Variants in DCLK1 observed in about 807,000 individuals in gnomAD.
DCLK1 encodes doublecortin like kinase 1.
A neutral mutation model predicts 86.2 loss-of-function variants in DCLK1; 16 were observed. The ratio of observed to expected loss-of-function variants is 0.19; its 90% CI spans 0.13 to 0.28. The LOEUF (loss-of-function observed/expected upper bound fraction) is 0.28. DCLK1 is among the 10% of genes least tolerant of loss of function. The pLI is 1.00. For synonymous variants in DCLK1, 369 were observed against 370.5 expected, an observed-to-expected ratio of 1.00 and a Z score of 0.05; for missense variants, 590 against 940.2, an observed-to-expected ratio of 0.63 and a Z score of 4.87.
chr13:36,072,516 C>A (rs1566669653), intron 3 of DCLK1, among the ~76,000 whole-genome samples: 1 of 152,216 alleles, frequency 6.6e-6, no homozygotes, highest in Non-Finnish European at 1.5e-5. Flanking sequence ...TCAGGCCAGA[C>A]TTCTTTCCTG....
chr13:35,796,291 G>A (rs6563164), intron 15 of DCLK1, among the ~76,000 whole-genome samples: 22,844 of 152,128 alleles, frequency 0.15, 1,957 homozygotes, highest in African/African-American at 0.21. Flanking sequence ...TGTGGAGAAG[G>A]TTGAGGAAAG....
chr13:35,914,725 A>C (rs1875305376), intron 4 of DCLK1, among the ~76,000 whole-genome samples: 1 of 151,996 alleles, frequency 6.6e-6, no homozygotes, highest in Admixed American at 6.6e-5. Context: ...CAAAAAAAAA[A>C]AAAAAGAAAC....
chr13:35,804,869 A>T (rs1345430735), intron 15 of DCLK1, among the ~76,000 whole-genome samples: 1 of 152,254 alleles, frequency 6.6e-6, no homozygotes, highest in Non-Finnish European at 1.5e-5. Flanking sequence ...CTCAAAGAAC[A>T]GCCACAGAGG....
rs1884561366 is a variant in DCLK1 at position 36,085,544 on chromosome 13, G to A, written c.723+26325C>T. ...ATGACCATCAATAACTAGCTTTAAAGCTTCAACCATGAGGTTCCCATGACT... is the reference window on the plus strand; with the variant it reads ...ATGACCATCAATAACTAGCTTTAAAACTTCAACCATGAGGTTCCCATGACT... On this transcript the variant is annotated intron_variant, in intron 3 of 16. Transcript: ENST00000360631. 2.0e-5 allele frequency among the ~76,000 whole-genome samples: 3 copies of A among 152,174 alleles called. No homozygotes were observed. In the South Asian group the frequency reaches 6.2e-4, roughly 32 times the overall value.
In DCLK1 at chr13:35,777,076, T is replaced by A. The variant is rs140655988; in HGVS notation, c.2059-2377A>T. 2.4e-4 allele frequency among the ~76,000 whole-genome samples: 37 copies of A among 152,344 alleles called. 1 individual carries two copies. The East Asian group carries it at 6.7e-3, about 28-fold the overall frequency. Reference sequence around the variant, plus strand: ...CTGTCCCTGTTGAAGTAGTCAGTTCTGGCCACTCCTACAGATTTCCCTACT... The same window carrying A: ...CTGTCCCTGTTGAAGTAGTCAGTTCAGGCCACTCCTACAGATTTCCCTACT... On this transcript the variant is annotated intron_variant, in intron 16 of 16. Coordinates refer to ENST00000360631, the MANE Select transcript of DCLK1 (RefSeq NM_001330071.2).
chr13:35,836,650 C>G (rs1407440691), intron 7 of DCLK1, among the ~76,000 whole-genome samples: 2 of 152,212 alleles, frequency 1.3e-5, no homozygotes, highest in African/African-American at 2.4e-5. Flanking sequence ...GAACTAAGCA[C>G]TGATGGCCAC....
intron 4 of DCLK1, among the ~76,000 whole-genome samples, chr13:35,878,797 T>A (rs1370494146): frequency 1.3e-5 from 2 of 152,082 alleles, no homozygotes; most frequent in African/African-American, 4.8e-5. Context: ...AATTACATTT[T>A]TTTTTTTTGA....
rs74046512 is a variant in DCLK1 at position 35,831,454 on chromosome 13, G to A, written c.1230-3147C>T. On this transcript the variant is annotated intron_variant, in intron 8 of 16. Coordinates refer to ENST00000360631, the MANE Select transcript of DCLK1 (RefSeq NM_001330071.2). ...AAGTGAAAACACTTGGCAAGAAATC[G>A]AATCTTATATAATGAATTCGCCTTC... Among the ~76,000 whole-genome samples the A allele has an allele frequency of 5.1e-3, 770 of 152,238 alleles. 5 individuals are homozygous for A. The highest frequency in any genetic ancestry group is 0.017 in the African/African-American group (694 of 41,548).
chr13:36,049,634 A>C (rs927368694), intron 3 of DCLK1, among the ~76,000 whole-genome samples: 1 of 152,150 alleles, frequency 6.6e-6, no homozygotes, highest in Non-Finnish European at 1.5e-5. Context: ...CTTTTGTTAA[A>C]TGTCTCAAAA....
Position 35,960,867 on chromosome 13 carries a change from T to G in DCLK1, c.724-13410A>C, listed in dbSNP as rs532611066. Among the ~76,000 whole-genome samples, 6 of 152,352 alleles carry G rather than the reference T, an allele frequency of 3.9e-5. No individual in the cohort carries two copies. The South Asian group carries it at 6.2e-4, about 16-fold the overall frequency. ...ATGATTCTTTTTTTCTTCTACAAACTTGTCTCATATTACTGATGGCCTTCT... is the reference window on the plus strand; with the variant it reads ...ATGATTCTTTTTTTCTTCTACAAACGTGTCTCATATTACTGATGGCCTTCT... On this transcript the variant is annotated intron_variant, in intron 3 of 16. Coordinates refer to ENST00000360631, the MANE Select transcript of DCLK1 (RefSeq NM_001330071.2).
intron 3 of DCLK1, among the ~76,000 whole-genome samples, chr13:35,968,097 T>C (rs988431759): frequency 6.6e-6 from 1 of 151,906 alleles, no homozygotes; most frequent in Admixed American, 6.6e-5. Flanking sequence ...GATGGATGAA[T>C]CCTGAGGTCA....
At chr13:36,000,045 T>A (rs1036276720) in intron 3 of DCLK1, among the ~76,000 whole-genome samples, 18 of 152,192 alleles carry the variant, frequency 1.2e-4, no homozygotes, top group African/African-American at 3.9e-4. Context: ...CTGCAAGCTT[T>A]AAGTCAAGTG....
chr13:35,921,552 T>G (rs1027321621), intron 4 of DCLK1, among the ~76,000 whole-genome samples: 2 of 152,212 alleles, frequency 1.3e-5, no homozygotes, highest in Admixed American at 1.3e-4. Flanking sequence ...GTACACATCA[T>G]TCCTATAATT....
intron 3 of DCLK1, among the ~76,000 whole-genome samples, chr13:35,981,450 G>A (rs1254254753): frequency 1.3e-5 from 2 of 151,932 alleles, no homozygotes; most frequent in East Asian, 3.9e-4. Flanking sequence ...AGCACCAGAG[G>A]GGACATTTGC....
intron 11 of DCLK1, among the ~76,000 whole-genome samples, chr13:35,816,820 T>C (rs555196016): frequency 6.6e-6 from 1 of 152,302 alleles, no homozygotes; most frequent in South Asian, 2.1e-4. Flanking sequence ...GGGTTTTTTT[T>C]CCTCATACTG....
At chr13:36,023,646 A>G (rs985278922) in intron 3 of DCLK1, among the ~76,000 whole-genome samples, 3 of 152,168 alleles carry the variant, frequency 2.0e-5, no homozygotes, top group Non-Finnish European at 4.4e-5. Context: ...GTAATACCAC[A>G]TTGATAAAAA....
chr13:35,972,750 T>C (rs1879133617), intron 3 of DCLK1, among the ~76,000 whole-genome samples: 1 of 152,014 alleles, frequency 6.6e-6, no homozygotes, highest in Admixed American at 6.6e-5. Flanking sequence ...TTGAACCTAA[T>C]TTGATGTAAG....
intron 2 of DCLK1, among the ~76,000 whole-genome samples, chr13:36,114,962 A>T (rs780740898): frequency 2.0e-5 from 3 of 152,180 alleles, no homozygotes. Flanking sequence ...TTTAGAGTGC[A>T]TTCAAGTATT....
At chr13:36,045,279 GAT>G (rs1882841187) in intron 3 of DCLK1, among the ~76,000 whole-genome samples, 1 of 109,516 alleles carries the variant, frequency 9.1e-6, no homozygotes, top group Admixed American at 1.0e-4. Flanking sequence ...ATATATAGAA[GAT>G]ATATATAATA....
Sources: allele counts gnomAD v4.1 joint callset (sites outside exome capture counted in the v4.1 genomes callset), GRCh38; gene constraint gnomAD v4.1.1; transcripts MANE v1.5; gene names NCBI Gene and HGNC (gene_info 2026-07-23, HGNC 2026-07-21).